The following SGK1 variants were observed in gnomAD, a reference collection of about 807,000 sequenced individuals.
SGK1 encodes the protein serine/threonine-protein kinase Sgk1.
SGK1 carries 26 observed loss-of-function variants against 64.2 expected under a neutral mutation model. The observed-to-expected ratio is 0.40, with a 90% CI of 0.30 to 0.56. SGK1 has a LOEUF of 0.56. Ranked by LOEUF, SGK1 falls within the 20% of genes least tolerant of loss-of-function variation. The pLI, the probability that SGK1 is intolerant of heterozygous loss-of-function variation, is 0.38. For synonymous variants in SGK1, 265 were observed against 239.7 expected (o/e 1.11, Z -0.98); for missense variants, 519 against 645.6 (o/e 0.80, Z 2.12).
chr6:134,309,105 G>C (rs1379030660), intron 1 of SGK1, among the ~76,000 whole-genome samples: 1 of 152,186 alleles, frequency 6.6e-6, no homozygotes, highest in Non-Finnish European at 1.5e-5. Context: ...CGTCACAGCA[G>C]GCTCTAGAAA....
At chr6:134,301,541 CTCTTCTCTTCTCTTCTCTTCTCTTCTCTT>C (rs1777455333) in intron 1 of SGK1, among the ~76,000 whole-genome samples, 1 of 49,370 alleles carries the variant, frequency 2.0e-5, no homozygotes, top group Admixed American at 2.4e-4. Context: ...TTCTTCTCTT[CTCTTCTCTTCTCTTCTCTTCTCTTCTCTT>C]CTCTTCTCTT....
intron 3 of SGK1, among the ~76,000 whole-genome samples, chr6:134,178,455 C>T (rs541529653): frequency 4.0e-4 from 61 of 152,158 alleles, no homozygotes; most frequent in Non-Finnish European, 5.7e-4. Context: ...GTGACGCGCG[C>T]CTGTTAACAC....
At chr6:134,177,225 CAAACAA>C (rs1775256334) in intron 3 of SGK1, among the ~76,000 whole-genome samples, 1 of 109,012 alleles carries the variant, frequency 9.2e-6, no homozygotes, top group Non-Finnish European at 2.0e-5. Context: ...AACAAACAAA[CAAACAA>C]AAACAAAACA....
chr6:134,209,130 T>C (rs1775843118), intron 2 of SGK1, among the ~76,000 whole-genome samples: 1 of 152,086 alleles, frequency 6.6e-6, no homozygotes, highest in Non-Finnish European at 1.5e-5. Context: ...TACTGTGATA[T>C]TAGCTTTCAA....
intron 2 of SGK1, among the ~76,000 whole-genome samples, chr6:134,259,378 G>C (rs984940767): frequency 2.3e-4 from 35 of 151,998 alleles, no homozygotes; most frequent in Admixed American, 2.0e-3. Flanking sequence ...AGTGGCTCAG[G>C]CCTGTAATAC....
intron 1 of SGK1, among the ~76,000 whole-genome samples, chr6:134,265,951 C>T (rs1776848895): frequency 6.6e-6 from 1 of 151,506 alleles, no homozygotes; most frequent in South Asian, 2.1e-4. Context: ...CCACAAGTGT[C>T]TTTTAATTGC....
chr6:134,199,538 G>A lies in SGK1; in HGVS notation c.361+7818C>T, dbSNP rs561215963. Among the ~76,000 whole-genome samples, 28 of 122,008 alleles carry A rather than the reference G, an allele frequency of 2.3e-4. 1 individual carries two copies. In the South Asian group the frequency reaches 6.5e-3, roughly 28 times the overall value. 80.0% of individuals were successfully genotyped at this position (122,008 alleles called of 152,430 possible). On this transcript the variant is annotated intron_variant, in intron 3 of 13. Transcript: ENST00000367858. Reference sequence around the variant, plus strand: ...TGCGTCACTGCACTCCAGACTGGGCGACAGGGCAAGACTCTCTCTCAAAAA... The same window carrying A: ...TGCGTCACTGCACTCCAGACTGGGCAACAGGGCAAGACTCTCTCTCAAAAA...
intron 1 of SGK1, among the ~76,000 whole-genome samples, chr6:134,317,190 A>G (rs896950762): frequency 1.5e-4 from 23 of 152,104 alleles, no homozygotes; most frequent in Middle Eastern, 3.4e-3. Flanking sequence ...CCTCCTCCCA[A>G]TGCAACTCTT....
intron 2 of SGK1, among the ~76,000 whole-genome samples, chr6:134,235,617 G>A (rs909529947): frequency 6.6e-6 from 1 of 150,802 alleles, no homozygotes; most frequent in African/African-American, 2.4e-5. Context: ...TGTTGCCCAG[G>A]CTGCAGGGCA....
chr6:134,208,874 A>C (rs915821044), intron 2 of SGK1, among the ~76,000 whole-genome samples: 1 of 108,594 alleles, frequency 9.2e-6, no homozygotes, highest in Non-Finnish European at 1.9e-5. Context: ...GTATATATGC[A>C]TATACATACA....
At chr6:134,230,686 C>CA (rs1414216427) in intron 2 of SGK1, among the ~76,000 whole-genome samples, 1 of 152,098 alleles carries the variant, frequency 6.6e-6, no homozygotes, top group East Asian at 1.9e-4. Context: ...CAGGTGGGAA[C>CA]AAAAAGCCTA....
At chr6:134,308,376 A>G (rs541660734) in intron 1 of SGK1, among the ~76,000 whole-genome samples, 1 of 152,116 alleles carries the variant, frequency 6.6e-6, no homozygotes, top group Non-Finnish European at 1.5e-5. Flanking sequence ...AATATGTTTT[A>G]ACAATTTGGG....
intron 3 of SGK1, among the ~76,000 whole-genome samples, chr6:134,189,493 CTTA>C (rs1194611195): frequency 1.3e-5 from 2 of 152,168 alleles, no homozygotes; most frequent in African/African-American, 4.8e-5. Flanking sequence ...TATAATATTA[CTTA>C]TTATTTGTTT....
chr6:134,312,993 G>A (rs953269117), intron 1 of SGK1, among the ~76,000 whole-genome samples: 1 of 152,090 alleles, frequency 6.6e-6, no homozygotes, highest in Non-Finnish European at 1.5e-5. Context: ...GGTTGGTCTC[G>A]AACTCCTGAC....
At chr6:134,218,437 C>CTT (rs71003680) in intron 2 of SGK1, among the ~76,000 whole-genome samples, 1,644 of 129,094 alleles carry the variant, frequency 0.013, 26 homozygotes, top group East Asian at 0.029. Context: ...TTCTTTTTTT[C>CTT]TTTTTTTTTT....
At chr6:134,213,425 G>A (rs1298402176) in intron 2 of SGK1, among the ~76,000 whole-genome samples, 2 of 151,736 alleles carry the variant, frequency 1.3e-5, no homozygotes, top group African/African-American at 2.4e-5. Flanking sequence ...GAAGGCTGAG[G>A]CAGAAGAATC....
intron 2 of SGK1, among the ~76,000 whole-genome samples, chr6:134,232,060 T>A (rs1582730632): frequency 1.4e-5 from 2 of 146,138 alleles, no homozygotes; most frequent in South Asian, 4.3e-4. Context: ...AAAAATACTA[T>A]GGAGAAACAT....
At chr6:134,280,155 A>T (rs1777072131) in intron 1 of SGK1, among the ~76,000 whole-genome samples, 1 of 148,918 alleles carries the variant, frequency 6.7e-6, no homozygotes, top group South Asian at 2.1e-4. Flanking sequence ...CGATCATGCC[A>T]TTGCACTCCA....
chr6:134,302,793 C>T (rs571792026), intron 1 of SGK1, among the ~76,000 whole-genome samples: 11 of 151,856 alleles, frequency 7.2e-5, no homozygotes, highest in Non-Finnish European at 1.6e-4. Context: ...CTCACTCTGT[C>T]GCCCAGGCTG....
Sources: gnomAD v4.1 joint callset for allele counts (sites outside exome capture counted in the v4.1 genomes callset) on GRCh38, gnomAD v4.1.1 for gene constraint, MANE v1.5 for transcripts, NCBI Gene and HGNC (gene_info 2026-07-23, HGNC 2026-07-21) for gene names.